The following HMGA2 variants were observed in gnomAD, a reference collection of about 807,000 sequenced individuals.
HMGA2 encodes the protein high mobility group AT-hook 2, also known as high mobility group protein HMGI-C.
Under a neutral mutation model 19.1 loss-of-function variants are expected in HMGA2, and 8 were observed. That is an observed-to-expected ratio of 0.42 (90% CI 0.25 to 0.76). The LOEUF (loss-of-function observed/expected upper bound fraction) is 0.76, where lower values mean the gene tolerates loss of function less well. Ranked by LOEUF, HMGA2 falls within the 30% of genes least tolerant of loss-of-function variation. HMGA2 has a pLI of 0.28. For synonymous variants in HMGA2, 60 were observed against 48.8 expected, an observed-to-expected ratio of 1.23 and a Z score of -0.96; for missense variants, 109 against 136.3, an observed-to-expected ratio of 0.80 and a Z score of 1.00.
At chr12:65,911,776 A>C (rs1874855578) in intron 3 of HMGA2, among the ~76,000 whole-genome samples, 1 of 152,174 alleles carries the variant, frequency 6.6e-6, no homozygotes, top group Admixed American at 6.5e-5. Context: ...TTATGCACAC[A>C]CAGAACCAGA....
intron 3 of HMGA2, among the ~76,000 whole-genome samples, chr12:65,853,209 C>G (rs918474200): frequency 2.0e-5 from 3 of 152,078 alleles, no homozygotes; most frequent in African/African-American, 7.2e-5. Flanking sequence ...AGCACTGAAA[C>G]TGGGGAGAAA....
At chr12:65,888,229 GT>G (rs1873741641) in intron 3 of HMGA2, among the ~76,000 whole-genome samples, 1 of 152,100 alleles carries the variant, frequency 6.6e-6, no homozygotes, top group African/African-American at 2.4e-5. Flanking sequence ...GCCGAGGCGG[GT>G]GGATCACTTG....
Position 65,875,589 on chromosome 12 carries a change from A to ATTTTTTTTTTTTTTTTT in HMGA2, c.249+37045_249+37061dup, listed in dbSNP as rs71096056. Among the ~76,000 whole-genome samples the ATTTTTTTTTTTTTTTTT allele has an allele frequency of 1.2e-3, 31 of 26,108 alleles. 10 individuals carry two copies. Among genetic ancestry groups the ATTTTTTTTTTTTTTTTT allele is most frequent in the Non-Finnish European group, 1.8e-3 (21 of 11,772 alleles). The allele number at this position is 26,108 out of a possible 152,430, so 17.1% of individuals were successfully genotyped here. On this transcript the variant is annotated intron_variant, in intron 3 of 4. Coordinates refer to ENST00000403681, the MANE Select transcript of HMGA2 (RefSeq NM_003483.6). Reference sequence around the variant, plus strand: ...CGGGCATATGCCACCGTGCCCGGCTATTTTTTTTTTTTTTTTTTTTTTTTT... The same window carrying ATTTTTTTTTTTTTTTTT: ...CGGGCATATGCCACCGTGCCCGGCTATTTTTTTTTTTTTTTTTTTTTTTTTTTTTTTTTTTTTTTTTT...
At chr12:65,849,844 G>A (rs571660898) in intron 3 of HMGA2, among the ~76,000 whole-genome samples, 2 of 147,858 alleles carry the variant, frequency 1.4e-5, no homozygotes, top group Non-Finnish European at 3.0e-5. Context: ...ACAGCCTCTC[G>A]AGTAGCTGGG....
At chr12:65,939,007 G>A (rs185260219) in intron 3 of HMGA2, among the ~76,000 whole-genome samples, 191 of 152,258 alleles carry the variant, frequency 1.3e-3, no homozygotes, top group East Asian at 9.7e-4. Flanking sequence ...GAGATATATG[G>A]AAGGTATGAC....
chr12:65,824,591 G>A lies in HMGA2; in HGVS notation c.-680G>A. 1 of 233,058 alleles carries A rather than the reference G, an allele frequency of 4.3e-6. No homozygotes were observed. The highest frequency in any genetic ancestry group is 2.2e-5 in the African/African-American group (1 of 45,268). The allele number at this position is 233,058 out of a possible 1,614,324, so 14.4% of individuals were successfully genotyped here. On this transcript the variant is annotated 5_prime_UTR_variant, in exon 1 of 5. Transcript: ENST00000403681. ...CCGCTGCCTGCTCCCGCCACCCTAG[G>A]AGGCGCGGTGCCACCCACTACTCTG...
At chr12:65,827,025 A>G (rs1870242522) in intron 1 of HMGA2, 1 of 152,210 alleles carries the variant, frequency 6.6e-6, no homozygotes, top group Non-Finnish European at 1.5e-5. Context: ...GTCTCACTTA[A>G]TCACCGAATC....
At chr12:65,833,643 T>C (rs2120850318) in intron 2 of HMGA2, among the ~76,000 whole-genome samples, 1 of 152,308 alleles carries the variant, frequency 6.6e-6, no homozygotes, top group African/African-American at 2.4e-5. Context: ...AATTTGATTT[T>C]CACCCTAGAA....
intron 3 of HMGA2, among the ~76,000 whole-genome samples, chr12:65,873,337 T>C (rs1407390194): frequency 2.6e-5 from 4 of 152,222 alleles, no homozygotes; most frequent in African/African-American, 9.6e-5. Flanking sequence ...AAATAAATAA[T>C]GCTTTCAGCA....
Position 65,903,269 on chromosome 12 carries a change from C to CT in HMGA2, c.250-48112dup, listed in dbSNP as rs1365601697. On this transcript the variant is annotated intron_variant, in intron 3 of 4. Transcript: ENST00000403681. Reference sequence around the variant, plus strand: ...ATTGAAAAGACTGAAACTTGTGTCACTTCACTAAAGCATTTCCTAAAAACA... The same window carrying CT: ...ATTGAAAAGACTGAAACTTGTGTCACTTTCACTAAAGCATTTCCTAAAAACA... Among the ~76,000 whole-genome samples the CT allele has an allele frequency of 2.0e-5, 3 of 152,258 alleles. No homozygotes were observed. The East Asian group carries it at 5.8e-4, about 29-fold the overall frequency.
At position 65,825,903 on chromosome 12, in the gene HMGA2, T is replaced by C. The variant is rs1391241239; in HGVS notation, c.111+522T>C. The C allele has an allele frequency of 6.6e-6, 1 of 151,480 alleles. No individual in the cohort carries two copies. The highest frequency in any genetic ancestry group is 1.5e-5 in the Non-Finnish European group (1 of 68,040). 9.4% of individuals were successfully genotyped at this position (151,480 alleles called of 1,614,324 possible). A position where few individuals can be genotyped will look rare whatever the true frequency, so the allele number is the denominator to read the frequency against. On this transcript the variant is annotated intron_variant, in intron 1 of 4. Coordinates refer to ENST00000403681, the MANE Select transcript of HMGA2 (RefSeq NM_003483.6). This position sits in a 1 kb window ranked among gnomAD's most constrained non-coding sequence, Gnocchi z 4.4. Reference sequence around the variant, plus strand: ...GGCTGGCGCGCCGCAGCCGCCCCCTTGGCGCCCTCCTCCAAGCTCTCGGTG... The same window carrying C: ...GGCTGGCGCGCCGCAGCCGCCCCCTCGGCGCCCTCCTCCAAGCTCTCGGTG...
intron 3 of HMGA2, among the ~76,000 whole-genome samples, chr12:65,845,325 G>A (rs916099166): frequency 6.6e-6 from 1 of 152,184 alleles, no homozygotes; most frequent in African/African-American, 2.4e-5. Context: ...TTGGAGTGCA[G>A]TGGCAAAATC....
chr12:65,952,611 C>T (rs1204391038), intron 4 of HMGA2: 6 of 818,758 alleles, frequency 7.3e-6, no homozygotes, highest in Admixed American at 3.5e-5. Context: ...AGTGTTTGTG[C>T]GTCTTTAAGC....
In HMGA2 at chr12:65,919,826, T is replaced by C. The variant is rs547644585; in HGVS notation, c.250-31557T>C. Among the ~76,000 whole-genome samples the C allele has an allele frequency of 2.0e-5, 3 of 152,356 alleles. No individual in the cohort carries two copies. In the East Asian group the frequency reaches 5.8e-4, roughly 29 times the overall value. On this transcript the variant is annotated intron_variant, in intron 3 of 4. Coordinates refer to ENST00000403681, the MANE Select transcript of HMGA2 (RefSeq NM_003483.6). ...AGATTTGCTGTTTATTTGTGGCTTA[T>C]TTAATATTATCCTGCTTTTCCTCAA...
intron 2 of HMGA2, among the ~76,000 whole-genome samples, chr12:65,835,786 A>G (rs2120860243): frequency 6.6e-6 from 1 of 152,264 alleles, no homozygotes; most frequent in East Asian, 1.9e-4. Context: ...CGTGCAGAAA[A>G]AGCCTGGTGT....
chr12:65,960,264 G>A (rs1427530780), intron 4 of HMGA2, among the ~76,000 whole-genome samples: 1 of 152,132 alleles, frequency 6.6e-6, no homozygotes, highest in Non-Finnish European at 1.5e-5. Context: ...ACAGAAACAG[G>A]ACTCTTTGGG....
At chr12:65,906,900 T>C (rs896500248) in intron 3 of HMGA2, among the ~76,000 whole-genome samples, 1 of 152,198 alleles carries the variant, frequency 6.6e-6, no homozygotes, top group Non-Finnish European at 1.5e-5. Context: ...ATAGTTATTC[T>C]GGAGGTTCAA....
chr12:65,849,999 G>T (rs367893489), intron 3 of HMGA2, among the ~76,000 whole-genome samples: 1 of 152,018 alleles, frequency 6.6e-6, no homozygotes, highest in African/African-American at 2.4e-5. Flanking sequence ...GATTACAGGC[G>T]TGAGCCACTG....
chr12:65,866,027 T>C (rs73119891), intron 3 of HMGA2, among the ~76,000 whole-genome samples: 3 of 152,288 alleles, frequency 2.0e-5, no homozygotes, highest in Non-Finnish European at 4.4e-5. Flanking sequence ...CTGGGAATCA[T>C]AGCAAGTGTA....
Sources: allele counts gnomAD v4.1 joint callset (sites outside exome capture counted in the v4.1 genomes callset), GRCh38; gene constraint gnomAD v4.1.1; non-coding constraint Gnocchi (gnomAD v3.1); transcripts MANE v1.5; gene names NCBI Gene and HGNC (gene_info 2026-07-23, HGNC 2026-07-21).